Variants in GULP1 observed in about 807,000 individuals in gnomAD.
GULP1 encodes the protein GULP PTB domain containing engulfment adaptor 1.
GULP1 carries 19 observed loss-of-function variants against 40.9 expected under a neutral mutation model. That is an observed-to-expected ratio of 0.46 (90% CI 0.32 to 0.68). The LOEUF is 0.68. GULP1 is among the 30% of genes least tolerant of loss of function. The pLI is 0.03. For missense variants in GULP1, 312 were observed against 362.2 expected, an observed-to-expected ratio of 0.86 and a Z score of 1.12; for synonymous variants, 119 against 117.6, an observed-to-expected ratio of 1.01 and a Z score of -0.08.
Position 188,399,376 on chromosome 2 carries a change from A to G in GULP1, c.-45+15487A>G, listed in dbSNP as rs568900016. Among the ~76,000 whole-genome samples, 71 of 152,236 alleles carry G rather than the reference A, an allele frequency of 4.7e-4. 3 individuals are homozygous for G. In the South Asian group the frequency reaches 0.014, roughly 31 times the overall value. On this transcript the variant is annotated intron_variant, in intron 2 of 11. Transcript: ENST00000409830. The stretch of plus-strand genomic sequence containing the variant: ...AAGGGAGTCAGAATGGCTGAGTTTG[A>G]GTCATTTGCCCCCTGCCAGGAACCA...
At chr2:188,541,963 C>A in intron 7 of GULP1, 1 of 152,722 alleles carries the variant, frequency 6.5e-6, no homozygotes, top group East Asian at 1.9e-4. Flanking sequence ...CAAAAATTAG[C>A]TGGGTGTGGT....
intron 9 of GULP1, among the ~76,000 whole-genome samples, chr2:188,582,819 AATTAGATC>A (rs1701591997): frequency 1.3e-5 from 2 of 152,268 alleles, no homozygotes; most frequent in South Asian, 4.1e-4. Context: ...GCAGTTGGGA[AATTAGATC>A]ATTGGTAAGA....
chr2:188,503,601 A>G (rs1299021119), intron 4 of GULP1, among the ~76,000 whole-genome samples: 1 of 151,894 alleles, frequency 6.6e-6, no homozygotes, highest in Non-Finnish European at 1.5e-5. Flanking sequence ...ACCAAACCAT[A>G]TTAGTTAGCG....
intron 1 of GULP1, among the ~76,000 whole-genome samples, chr2:188,369,732 A>G (rs1414679863): frequency 6.6e-6 from 1 of 152,176 alleles, no homozygotes; most frequent in Non-Finnish European, 1.5e-5. Flanking sequence ...TCTGTAAAGT[A>G]TCTTATTCCT....
At chr2:188,584,146 C>A in intron 9 of GULP1, 119 bp from the exon 10 acceptor site, 1 of 666,580 alleles carries the variant, frequency 1.5e-6, no homozygotes, top group East Asian at 2.9e-5. Flanking sequence ...TACAAAATGG[C>A]AAATTCTTAT....
chr2:188,361,546 A>G (rs1490404727), intron 1 of GULP1, among the ~76,000 whole-genome samples: 1 of 152,092 alleles, frequency 6.6e-6, no homozygotes, highest in Non-Finnish European at 1.5e-5. Context: ...TAAAAAGATC[A>G]TTGTGACTTT....
At chr2:188,408,635 C>G (rs957795951) in intron 2 of GULP1, among the ~76,000 whole-genome samples, 1 of 152,086 alleles carries the variant, frequency 6.6e-6, no homozygotes, top group African/African-American at 2.4e-5. Flanking sequence ...AATAAGGAAA[C>G]ATTGGACTTG....
At chr2:188,301,378 C>T (rs1434618702) in intron 1 of GULP1, among the ~76,000 whole-genome samples, 1 of 152,142 alleles carries the variant, frequency 6.6e-6, no homozygotes, top group African/African-American at 2.4e-5. Flanking sequence ...GATTTTGTAC[C>T]TGAAGTTAAC....
chr2:188,435,507 C>G (rs936555336), intron 2 of GULP1, among the ~76,000 whole-genome samples: 3 of 152,020 alleles, frequency 2.0e-5, no homozygotes, highest in African/African-American at 7.2e-5. Flanking sequence ...TTTCCTATGT[C>G]TTATAACAAA....
intron 6 of GULP1, among the ~76,000 whole-genome samples, chr2:188,537,837 T>G (rs1289137520): frequency 1.3e-5 from 2 of 152,038 alleles, no homozygotes; most frequent in Non-Finnish European, 1.5e-5. Flanking sequence ...GGTTGGTAGA[T>G]TTTTTATTAC....
At chr2:188,587,070 A>G (rs1479430696) in intron 10 of GULP1, among the ~76,000 whole-genome samples, 1 of 151,960 alleles carries the variant, frequency 6.6e-6, no homozygotes, top group Non-Finnish European at 1.5e-5. Flanking sequence ...TTAAGGATAC[A>G]TTTGAATTGA....
At chr2:188,298,947 G>A (rs2035576375) in intron 1 of GULP1, among the ~76,000 whole-genome samples, 1 of 152,180 alleles carries the variant, frequency 6.6e-6, no homozygotes, top group African/African-American at 2.4e-5. Context: ...AATGGCAAGA[G>A]CACACCAGAC....
chr2:188,589,926 G>A (rs1703176224), intron 11 of GULP1: 2 of 390,540 alleles, frequency 5.1e-6, no homozygotes, highest in East Asian at 7.9e-5. Context: ...TTATTTTTCA[G>A]TGACTTAGTC....
At chr2:188,341,623 C>T (rs920713547) in intron 1 of GULP1, among the ~76,000 whole-genome samples, 10 of 152,046 alleles carry the variant, frequency 6.6e-5, no homozygotes, top group African/African-American at 2.4e-4. Flanking sequence ...TATAAAGGAT[C>T]GATTTTCAGA....
intron 7 of GULP1, chr2:188,542,230 T>G (rs1211644915): frequency 1.3e-5 from 2 of 152,316 alleles, no homozygotes; most frequent in Middle Eastern, 6.8e-3. Flanking sequence ...CACTGGTGGC[T>G]GCAATAAAGG....
chr2:188,317,645 T>C (rs961003295), intron 1 of GULP1, among the ~76,000 whole-genome samples: 1 of 152,142 alleles, frequency 6.6e-6, no homozygotes, highest in Admixed American at 6.6e-5. Context: ...GTTGTATTTA[T>C]ATGTGCCATG....
chr2:188,543,777 A>G (rs931165173), intron 7 of GULP1, among the ~76,000 whole-genome samples: 1 of 152,176 alleles, frequency 6.6e-6, no homozygotes, highest in Non-Finnish European at 1.5e-5. Flanking sequence ...TTATCTCATC[A>G]TGCTATATTA....
At chr2:188,480,114 C>G (rs2061332657) in intron 3 of GULP1, among the ~76,000 whole-genome samples, 1 of 151,914 alleles carries the variant, frequency 6.6e-6, no homozygotes, top group South Asian at 2.1e-4. Flanking sequence ...TTTAAGAGCC[C>G]CCGCTCCTGG....
chr2:188,536,549 C>A (rs893249398), intron 6 of GULP1, among the ~76,000 whole-genome samples: 2 of 151,840 alleles, frequency 1.3e-5, no homozygotes, highest in Non-Finnish European at 2.9e-5. Context: ...GGTCTATGTA[C>A]CTGTTTTTGT....
Sources: allele counts gnomAD v4.1 joint callset (sites outside exome capture counted in the v4.1 genomes callset), GRCh38; gene constraint gnomAD v4.1.1; transcripts MANE v1.5; gene names NCBI Gene and HGNC (gene_info 2026-07-23, HGNC 2026-07-21).